Variants in CTSS observed in about 807,000 individuals in gnomAD.
CTSS encodes cathepsin S.
CTSS carries 15 observed loss-of-function variants against 39.9 expected under a neutral mutation model. The observed-to-expected ratio is 0.38, with a 90% confidence interval of 0.25 to 0.58. The LOEUF is 0.58. Among genes scored for constraint, CTSS ranks in the 20% least tolerant of loss-of-function variants. The probability of loss-of-function intolerance (pLI) is 0.70; values close to 1 mark genes in which losing one functional copy is unlikely to be tolerated. For missense variants in CTSS, 250 were observed against 398.2 expected, an observed-to-expected ratio of 0.63 and a Z score of 3.17; for synonymous variants, 126 against 138.2, an observed-to-expected ratio of 0.91 and a Z score of 0.62.
intron 7 of CTSS, among the ~76,000 whole-genome samples, chr1:150,741,266 A>G (rs1201686640): frequency 1.3e-5 from 2 of 152,190 alleles, no homozygotes; most frequent in Non-Finnish European, 2.9e-5. Context: ...CCAAAGCTCT[A>G]GAGTTATAAG....
intron 2 of CTSS, among the ~76,000 whole-genome samples, chr1:150,761,125 G>A (rs1653248090): frequency 6.8e-6 from 1 of 147,452 alleles, no homozygotes; most frequent in Admixed American, 6.9e-5. Context: ...GTTGCAGTGA[G>A]CCGAGATTGC....
intron 4 of CTSS, 135 bp from the exon 5 acceptor site, chr1:150,752,143 C>G: frequency 1.2e-6 from 1 of 823,920 alleles, no homozygotes. Context: ...ACTACAGTTT[C>G]CTTCTGTCTT....
rs1653014911 is a variant in CTSS at position 150,751,883 on chromosome 1, A to G, written c.525T>C (p.Tyr175=). Residue 175 remains tyrosine, a synonymous_variant, in exon 5 of 8, where the codon TAT becomes TAC. Coordinates refer to ENST00000368985, the MANE Select transcript of CTSS (RefSeq NM_004079.5). ...QNLVDCSTEK[Y]GNKGCNGGFM... is the part of the protein sequence containing the mutation. ...AGCCACCATTGCAGCCTTTGTTTCCATATTTTTCAGTTGAGCAATCCACCA... is the reference window on the plus strand; with the variant it reads ...AGCCACCATTGCAGCCTTTGTTTCCGTATTTTTCAGTTGAGCAATCCACCA... 6.2e-7 allele frequency: 1 copy of G among 1,614,184 alleles called. No homozygotes were observed. Among genetic ancestry groups the G allele is most frequent in the Non-Finnish European group, 8.5e-7 (1 of 1,180,028 alleles).
intron 7 of CTSS, among the ~76,000 whole-genome samples, chr1:150,745,597 G>A (rs1361247364): frequency 5.9e-5 from 9 of 152,120 alleles, no homozygotes; most frequent in Admixed American, 5.9e-4. Flanking sequence ...AGGAGTTTGA[G>A]GTTGCGGTGA....
Position 150,732,815 on chromosome 1 carries a change from G to C in CTSS, c.*231C>G, listed in dbSNP as rs946654073. 6.2e-6 allele frequency: 2 copies of C among 324,636 alleles called. No individual in the cohort carries two copies. Among genetic ancestry groups the C allele is most frequent in the African/African-American group, 4.3e-5 (2 of 45,994 alleles). 20.1% of individuals were successfully genotyped at this position (324,636 alleles called of 1,614,324 possible). On this transcript the variant is annotated 3_prime_UTR_variant, in exon 8 of 8. Coordinates refer to ENST00000368985, the MANE Select transcript of CTSS (RefSeq NM_004079.5). Reference sequence around the variant, plus strand: ...GTAGAGATGGGGTTTCACCATGTTAGCCAGGCTGCTCTTTAACTCCTGGCC... The same window carrying C: ...GTAGAGATGGGGTTTCACCATGTTACCCAGGCTGCTCTTTAACTCCTGGCC...
At chr1:150,733,983 CAGAT>C (rs1652578207) in intron 7 of CTSS, among the ~76,000 whole-genome samples, 1 of 151,362 alleles carries the variant, frequency 6.6e-6, no homozygotes, top group Non-Finnish European at 1.5e-5. Flanking sequence ...AAAGTTTTTA[CAGAT>C]AGATATACAG....
intron 2 of CTSS, among the ~76,000 whole-genome samples, chr1:150,759,811 C>A (rs74127012): frequency 0.049 from 7,402 of 152,114 alleles, 581 homozygotes; most frequent in African/African-American, 0.17. Context: ...AGGGAGCAGT[C>A]AGCAACAACT....
intron 7 of CTSS, among the ~76,000 whole-genome samples, chr1:150,743,424 G>A (rs1178126284): frequency 1.3e-5 from 2 of 148,766 alleles, no homozygotes; most frequent in African/African-American, 5.0e-5. Flanking sequence ...TTGTTGTATC[G>A]TTTAAAAATA....
intron 1 of CTSS, among the ~76,000 whole-genome samples, chr1:150,765,100 T>A (rs1237322692): frequency 1.2e-4 from 18 of 146,086 alleles, no homozygotes; most frequent in African/African-American, 4.3e-4. Context: ...TCTCTCTCTC[T>A]CAAAAAAAAA....
intron 5 of CTSS, among the ~76,000 whole-genome samples, chr1:150,750,884 C>G (rs587626095): frequency 2.6e-5 from 4 of 152,160 alleles, no homozygotes; most frequent in African/African-American, 7.2e-5. Flanking sequence ...TCAAGCAATC[C>G]TCCCACCTCG....
At chr1:150,752,650 G>A (rs1450990132) in intron 4 of CTSS, among the ~76,000 whole-genome samples, 3 of 152,114 alleles carry the variant, frequency 2.0e-5, no homozygotes, top group Non-Finnish European at 2.9e-5. Flanking sequence ...CATTGCTTTT[G>A]ATTGAAGCAA....
intron 7 of CTSS, among the ~76,000 whole-genome samples, chr1:150,746,263 G>C (rs1234773850): frequency 6.6e-6 from 1 of 152,138 alleles, no homozygotes; most frequent in Non-Finnish European, 1.5e-5. Context: ...GTGGCACTTT[G>C]TCATGGTAGC....
chr1:150,756,357 C>T (rs1653127711), intron 3 of CTSS, among the ~76,000 whole-genome samples: 1 of 152,170 alleles, frequency 6.6e-6, no homozygotes, highest in African/African-American at 2.4e-5. Context: ...AGTAGGAGTA[C>T]ACTCTAAAAT....
At chr1:150,733,511 C>A (rs1267509556) in intron 7 of CTSS, among the ~76,000 whole-genome samples, 1 of 152,144 alleles carries the variant, frequency 6.6e-6, no homozygotes, top group Non-Finnish European at 1.5e-5. Flanking sequence ...GATTTTCTAT[C>A]AAACTTAAAT....
At chr1:150,736,408 G>A (rs1652638064) in intron 7 of CTSS, among the ~76,000 whole-genome samples, 1 of 152,082 alleles carries the variant, frequency 6.6e-6, no homozygotes, top group African/African-American at 2.4e-5. Flanking sequence ...TTTTATCTAT[G>A]CCTATCCCTA....
At chr1:150,739,701 A>C (rs1652705746) in intron 7 of CTSS, among the ~76,000 whole-genome samples, 1 of 144,688 alleles carries the variant, frequency 6.9e-6, no homozygotes, top group Non-Finnish European at 1.5e-5. Flanking sequence ...AACAAAAAGA[A>C]AGAAAGAAGA....
At chr1:150,735,622 C>T (rs1652619125) in intron 7 of CTSS, among the ~76,000 whole-genome samples, 1 of 152,024 alleles carries the variant, frequency 6.6e-6, no homozygotes, top group Non-Finnish European at 1.5e-5. Flanking sequence ...AGAGTCTCAC[C>T]GTGTTGCCCT....
At chr1:150,762,090 A>G (rs917932898) in intron 2 of CTSS, among the ~76,000 whole-genome samples, 23 of 152,318 alleles carry the variant, frequency 1.5e-4, no homozygotes, top group African/African-American at 3.8e-4. Context: ...ACATTTACCA[A>G]TGGAATAGGA....
intron 7 of CTSS, among the ~76,000 whole-genome samples, chr1:150,733,806 A>T (rs1178156397): frequency 6.6e-6 from 1 of 152,086 alleles, no homozygotes; most frequent in Non-Finnish European, 1.5e-5. Flanking sequence ...CTACAAAAAA[A>T]ATTTTTTTTT....
Sources: allele counts gnomAD v4.1 joint callset (sites outside exome capture counted in the v4.1 genomes callset), GRCh38; gene constraint gnomAD v4.1.1; transcripts MANE v1.5; gene names NCBI Gene and HGNC (gene_info 2026-07-23, HGNC 2026-07-21).